The following PERP variants were observed in gnomAD, a reference collection of about 807,000 sequenced individuals.
PERP encodes the protein p53 apoptosis effector related to PMP-22.
In PERP, 11 loss-of-function variants were observed where a neutral mutation model predicts 20.3. The observed-to-expected ratio is 0.54, with a 90% confidence interval of 0.34 to 0.90. The LOEUF (loss-of-function observed/expected upper bound fraction) is 0.90, where lower values mean the gene tolerates loss of function less well. PERP is among the 40% of genes least tolerant of loss of function. The pLI, the probability that PERP is intolerant of heterozygous loss-of-function variation, is 0.02. For synonymous variants in PERP, 101 were observed against 102.0 expected (o/e 0.99, Z 0.06); for missense variants, 224 against 249.4 (o/e 0.90, Z 0.69).
In PERP at chr6:138,107,186, G is replaced by A. The variant is rs1472744918; in HGVS notation, c.155C>T (p.Ser52Phe). 6.2e-7 allele frequency: 1 copy of A among 1,612,262 alleles called. No homozygotes were observed. Among genetic ancestry groups the A allele is most frequent in the Non-Finnish European group, 8.5e-7 (1 of 1,179,614 alleles). ...GQTSSLWWKCSQEGGGSGSYE... is the reference protein window; with the variant it reads ...GQTSSLWWKCFQEGGGSGSYE... ...GGACCCGCTGCCGCCGCCCTCTTGGGAGCATTTCCACCACAGCGAGGACGT... is the reference window on the plus strand; with the variant it reads ...GGACCCGCTGCCGCCGCCCTCTTGGAAGCATTTCCACCACAGCGAGGACGT... Residue 52 changes from serine to phenylalanine, a missense_variant, in exon 1 of 3, where the codon TCC becomes TTC. By Grantham distance (155) the Ser-to-Phe change is radical. Transcript: ENST00000421351. The surrounding 1 kb of genome is among the most constrained non-coding windows in gnomAD (Gnocchi z 4.8).
At chr6:138,105,665 A>T (rs548315329) in intron 1 of PERP, among the ~76,000 whole-genome samples, 9 of 152,342 alleles carry the variant, frequency 5.9e-5, no homozygotes, top group African/African-American at 2.2e-4. Context: ...ATTACTGCAT[A>T]TACTTTGGGT....
At chr6:138,106,068 T>C (rs1158934447) in intron 1 of PERP, among the ~76,000 whole-genome samples, 1 of 152,192 alleles carries the variant, frequency 6.6e-6, no homozygotes, top group African/African-American at 2.4e-5. Context: ...AGGATTGGGT[T>C]GGAAGCCCTG....
Position 138,090,686 on chromosome 6 carries a change from A to G in PERP, c.*1356T>C, listed in dbSNP as rs1044591829. ...AAAACTTCAAACAAAAAAACAAACAAAAACCACTTTTCATTATATCCCATG... is the reference window on the plus strand; with the variant it reads ...AAAACTTCAAACAAAAAAACAAACAGAAACCACTTTTCATTATATCCCATG... On this transcript the variant is annotated 3_prime_UTR_variant, in exon 3 of 3. Coordinates refer to ENST00000421351, the MANE Select transcript of PERP (RefSeq NM_022121.5). 4 of 149,570 alleles carry G rather than the reference A, an allele frequency of 2.7e-5. No individual in the cohort carries two copies. Among genetic ancestry groups the G allele is most frequent in the Non-Finnish European group, 6.0e-5 (4 of 66,828 alleles). The allele number at this position is 149,570 out of a possible 1,614,324, so 9.3% of individuals were successfully genotyped here. A position where few individuals can be genotyped will look rare whatever the true frequency, so the allele number is the denominator to read the frequency against.
In PERP at chr6:138,107,351, G is replaced by T. The variant is rs376594392; in HGVS notation, c.-11C>A. ...GCCGCAGCGGATCATGTTGACGGGC[G>T]GCGCGGGGCCGAGCGGAGCGGAGCG... On this transcript the variant is annotated 5_prime_UTR_variant, in exon 1 of 3. Coordinates refer to ENST00000421351, the MANE Select transcript of PERP (RefSeq NM_022121.5). The surrounding 1 kb of genome is among the most constrained non-coding windows in gnomAD (Gnocchi z 4.8). 3 of 1,582,526 alleles carry T rather than the reference G, an allele frequency of 1.9e-6. No individual in the cohort carries two copies. The highest frequency in any genetic ancestry group is 2.6e-6 in the Non-Finnish European group (3 of 1,169,110).
chr6:138,097,005 T>C (rs188460814), intron 1 of PERP, among the ~76,000 whole-genome samples: 43 of 150,922 alleles, frequency 2.8e-4, no homozygotes, highest in African/African-American at 1.1e-3. Context: ...GCAGAGGTGT[T>C]AAATAAAACA....
At chr6:138,098,686 A>G (rs1289107377) in intron 1 of PERP, among the ~76,000 whole-genome samples, 8 of 152,164 alleles carry the variant, frequency 5.3e-5, no homozygotes, top group Non-Finnish European at 8.8e-5. Flanking sequence ...ACTCCCATGC[A>G]CCTTCCAGGT....
chr6:138,098,134 C>T (rs1202292082), intron 1 of PERP, among the ~76,000 whole-genome samples: 4 of 152,198 alleles, frequency 2.6e-5, no homozygotes. Context: ...TTAGTCTATC[C>T]GTTCATTTGC....
chr6:138,101,873 A>C (rs73774623), intron 1 of PERP, among the ~76,000 whole-genome samples: 2,827 of 152,340 alleles, frequency 0.019, 91 homozygotes, highest in African/African-American at 0.065. Flanking sequence ...CTGAAACTTA[A>C]AAGTGCTTAC....
At position 138,090,734 on chromosome 6, in the gene PERP, T is replaced by A. The variant is rs1775565550; in HGVS notation, c.*1308A>T. On this transcript the variant is annotated 3_prime_UTR_variant, in exon 3 of 3. Transcript: ENST00000421351. ...ATGTTCTTATTACCCATTTTTTTTT[T>A]AATTCCTTTCCCCAGATTTGAAAAA... 2.0e-5 allele frequency: 3 copies of A among 152,520 alleles called. No homozygotes were observed. Among genetic ancestry groups the A allele is most frequent in the Admixed American group, 6.5e-5 (1 of 15,274 alleles). The allele number at this position is 152,520 out of a possible 1,614,324, so 9.4% of individuals were successfully genotyped here. A position where few individuals can be genotyped will look rare whatever the true frequency, so the allele number is the denominator to read the frequency against.
intron 1 of PERP, among the ~76,000 whole-genome samples, chr6:138,106,091 GA>G (rs1357177281): frequency 6.6e-6 from 1 of 152,098 alleles, no homozygotes; most frequent in Non-Finnish European, 1.5e-5. Flanking sequence ...CCACTTCAAA[GA>G]AAAAAATCAA....
Position 138,092,204 on chromosome 6 carries a change from A to G in PERP, c.420T>C (p.His140=), listed in dbSNP as rs1170019930. ...PVKYTQTFTL[H]ANPAVTYIYN... is the part of the protein sequence containing the mutation. ...AGATGTAAGTGACAGCAGGGTTGGC[A>G]TGAAGGGTGAAGGTCTGGGTGTACT... Residue 140 remains histidine, a synonymous_variant, in exon 3 of 3, where the codon CAT becomes CAC. Transcript: ENST00000421351. 1 of 1,614,162 alleles carries G rather than the reference A, an allele frequency of 6.2e-7. No homozygotes were observed. Among genetic ancestry groups the G allele is most frequent in the Admixed American group, 1.7e-5 (1 of 60,016 alleles).
chr6:138,107,384 T>G lies in PERP; in HGVS notation c.-44A>C, dbSNP rs757998269. ...GCCGAGCGGAGCGGAGCGGAGCGGG[T>G]CGGAGGAGCGCGCGGGACGGGCGAC... is the stretch of plus-strand genomic sequence containing the variant. On this transcript the variant is annotated 5_prime_UTR_variant, in exon 1 of 3. Coordinates refer to ENST00000421351, the MANE Select transcript of PERP (RefSeq NM_022121.5). The surrounding 1 kb of genome is among the most constrained non-coding windows in gnomAD (Gnocchi z 4.8). 6 of 1,426,550 alleles carry G rather than the reference T, an allele frequency of 4.2e-6. No homozygotes were observed. Among genetic ancestry groups the G allele is most frequent in the African/African-American group, 3.0e-5 (2 of 66,072 alleles). The allele number at this position is 1,426,550 out of a possible 1,614,324, so 88.4% of individuals were successfully genotyped here. A position where few individuals can be genotyped will look rare whatever the true frequency, so the allele number is the denominator to read the frequency against.
chr6:138,096,513 C>A lies in PERP; in HGVS notation c.215-19G>T. The A allele has an allele frequency of 6.3e-7, 1 of 1,598,880 alleles. No individual in the cohort carries two copies. Among genetic ancestry groups the A allele is most frequent in the Non-Finnish European group, 8.5e-7 (1 of 1,173,092 alleles). On this transcript the variant is annotated intron_variant, in intron 1 of 2. Coordinates refer to ENST00000421351, the MANE Select transcript of PERP (RefSeq NM_022121.5). ...CCCCACGCTGCAAGAAAAAAAGAAA[C>A]AGCAATTAACAAGACAGACATACCA...
At chr6:138,097,245 T>C (rs9494938) in intron 1 of PERP, among the ~76,000 whole-genome samples, 72,382 of 152,040 alleles carry the variant, frequency 0.48, 17,695 homozygotes, top group East Asian at 0.71. Context: ...CCTACATGGG[T>C]ACCTCCAGCC....
At chr6:138,102,456 A>G (rs552947944) in intron 1 of PERP, among the ~76,000 whole-genome samples, 24 of 152,338 alleles carry the variant, frequency 1.6e-4, no homozygotes, top group African/African-American at 5.0e-4. Context: ...AAGTTGTTGA[A>G]TAAGGGACGA....
Position 138,107,114 on chromosome 6 carries a change from G to A in PERP, c.214+13C>T. ...TCCTGGAGGCGGCGACGGCGGCGGC[G>A]GCGGGCACTCACCGTACTCCATGAG... On this transcript the variant is annotated intron_variant, in intron 1 of 2. Transcript: ENST00000421351. The surrounding 1 kb of genome is among the most constrained non-coding windows in gnomAD (Gnocchi z 4.8). The A allele has an allele frequency of 6.3e-7, 1 of 1,581,260 alleles. No individual in the cohort carries two copies. Among genetic ancestry groups the A allele is most frequent in the African/African-American group, 1.4e-5 (1 of 73,650 alleles).
chr6:138,096,531 A>C lies in PERP; in HGVS notation c.215-37T>G, dbSNP rs201283960. The C allele has an allele frequency of 1.2e-4, 183 of 1,575,920 alleles. 1 individual carries two copies. The African/African-American group carries it at 2.4e-3, about 21-fold the overall frequency. On this transcript the variant is annotated intron_variant, in intron 1 of 2. Coordinates refer to ENST00000421351, the MANE Select transcript of PERP (RefSeq NM_022121.5). Reference sequence around the variant, plus strand: ...AAAGAAACAGCAATTAACAAGACAGACATACCAAGTTTAAAAATTACTTAT... The same window carrying C: ...AAAGAAACAGCAATTAACAAGACAGCCATACCAAGTTTAAAAATTACTTAT...
At chr6:138,099,238 C>T (rs914562445) in intron 1 of PERP, among the ~76,000 whole-genome samples, 63 of 152,188 alleles carry the variant, frequency 4.1e-4, no homozygotes, top group African/African-American at 1.5e-3. Context: ...TTGAGAACAA[C>T]TTAGATGATT....
chr6:138,101,340 A>G (rs1200150416), intron 1 of PERP, among the ~76,000 whole-genome samples: 1 of 152,252 alleles, frequency 6.6e-6, no homozygotes, highest in Non-Finnish European at 1.5e-5. Flanking sequence ...ACTGCACTCT[A>G]GCCTGAGCAA....
Sources: gnomAD v4.1 joint callset for allele counts (sites outside exome capture counted in the v4.1 genomes callset) on GRCh38, gnomAD v4.1.1 for gene constraint, Gnocchi (gnomAD v3.1) non-coding constraint, MANE v1.5 for transcripts, NCBI Gene and HGNC (gene_info 2026-07-23, HGNC 2026-07-21) for gene names.